The following TDRD9 variants were observed in gnomAD, a reference collection of about 807,000 sequenced individuals.
TDRD9 encodes tudor domain containing 9, also known as ATP-dependent RNA helicase TDRD9.
TDRD9 carries 124 observed loss-of-function variants against 172.6 expected under a neutral mutation model. The ratio of observed to expected loss-of-function variants is 0.72; its 90% CI spans 0.62 to 0.83. The LOEUF (loss-of-function observed/expected upper bound fraction) is 0.83. TDRD9 is among the 40% of genes least tolerant of loss of function. TDRD9 has a pLI of 0.00. For synonymous variants in TDRD9, 619 were observed against 617.1 expected (o/e 1.00, Z -0.05); for missense variants, 1,479 against 1,714.1 (o/e 0.86, Z 2.42).
chr14:104,040,733 G>T (rs1384568624), intron 33 of TDRD9, among the ~76,000 whole-genome samples: 1 of 152,192 alleles, frequency 6.6e-6, no homozygotes, highest in African/African-American at 2.4e-5. Flanking sequence ...CCTTCTCCCG[G>T]CCTGGTGACC....
At chr14:103,931,639 A>G (rs1474761070) in intron 1 of TDRD9, among the ~76,000 whole-genome samples, 1 of 152,210 alleles carries the variant, frequency 6.6e-6, no homozygotes, top group Non-Finnish European at 1.5e-5. Context: ...TTCCTGTAGC[A>G]AATGGTGGTG....
chr14:103,972,180 G>C (rs1174368710), intron 6 of TDRD9, among the ~76,000 whole-genome samples: 1 of 151,910 alleles, frequency 6.6e-6, no homozygotes, highest in Non-Finnish European at 1.5e-5. Context: ...GGTGGCGGGC[G>C]CCTGTAATCC....
intron 8 of TDRD9, among the ~76,000 whole-genome samples, chr14:103,990,732 C>T (rs2033834299): frequency 6.6e-6 from 1 of 152,222 alleles, no homozygotes; most frequent in Non-Finnish European, 1.5e-5. Flanking sequence ...TCTAAATTCA[C>T]ACAAAAGTAA....
rs565680398 is a variant in TDRD9 at position 104,036,868 on chromosome 14, C to G, written c.3716+1812C>G. Among the ~76,000 whole-genome samples, 17 of 152,304 alleles carry G rather than the reference C, an allele frequency of 1.1e-4. 2 individuals carry two copies. Among genetic ancestry groups the G allele is most frequent in the African/African-American group, 4.1e-4 (17 of 41,562 alleles). On this transcript the variant is annotated intron_variant, in intron 32 of 35. Transcript: ENST00000409874. ...GTAAGACTAGTTGTCTTTGAATCCACAGGCTTAACTAGGTGATTATCGGAA... is the reference window on the plus strand; with the variant it reads ...GTAAGACTAGTTGTCTTTGAATCCAGAGGCTTAACTAGGTGATTATCGGAA...
chr14:103,933,414 G>A (rs1014866587), intron 1 of TDRD9, among the ~76,000 whole-genome samples: 3 of 151,996 alleles, frequency 2.0e-5, no homozygotes, highest in African/African-American at 7.3e-5. Context: ...CTTAATTCTC[G>A]CTTTTGTGTC....
At chr14:103,996,329 GGTGA>G (rs1394547353) in intron 12 of TDRD9, among the ~76,000 whole-genome samples, 2 of 152,330 alleles carry the variant, frequency 1.3e-5, no homozygotes, top group East Asian at 1.9e-4. Flanking sequence ...GCAGTACAGT[GGTGA>G]GTAAGACAAA....
At position 104,024,749 on chromosome 14, in the gene TDRD9, T is replaced by TACACAC. The variant is rs60394937; in HGVS notation, c.2718+105_2718+110dup. On this transcript the variant is annotated intron_variant, in intron 25 of 35. Transcript: ENST00000409874. ...ATCATCATGTTGTATACAGGAAGTT[T>TACACAC]ACACACACACACACACACACACACA... 298 of 435,084 alleles carry TACACAC rather than the reference T, an allele frequency of 6.8e-4. 1 individual carries two copies. Among genetic ancestry groups the TACACAC allele is most frequent in the African/African-American group, 5.0e-3 (245 of 48,982 alleles). The allele number at this position is 435,084 out of a possible 1,614,324, so 27.0% of individuals were successfully genotyped here.
At chr14:103,982,959 A>T (rs1476326885) in intron 7 of TDRD9, among the ~76,000 whole-genome samples, 1 of 152,100 alleles carries the variant, frequency 6.6e-6, no homozygotes, top group Non-Finnish European at 1.5e-5. Flanking sequence ...GTTACATAAA[A>T]TGTAAATGTG....
chr14:103,983,056 CTTTT>C (rs397853010), intron 7 of TDRD9, among the ~76,000 whole-genome samples: 1 of 87,616 alleles, frequency 1.1e-5, no homozygotes, highest in South Asian at 5.2e-4. Flanking sequence ...CTGTGGGTCA[CTTTT>C]TTTTTTTTTT....
At position 103,951,099 on chromosome 14, in the gene TDRD9, C is replaced by A. The variant is rs116946683; in HGVS notation, c.216-4565C>A. Among the ~76,000 whole-genome samples the A allele has an allele frequency of 8.1e-4, 124 of 152,280 alleles. No homozygotes were observed. In the East Asian group the frequency reaches 0.023, roughly 28 times the overall value. Reference sequence around the variant, plus strand: ...GCTATGTGTAATTCCCATCGCAATGCTTTATTCCCAAATAAAGATCTTTCC... The same window carrying A: ...GCTATGTGTAATTCCCATCGCAATGATTTATTCCCAAATAAAGATCTTTCC... On this transcript the variant is annotated intron_variant, in intron 1 of 35. Coordinates refer to ENST00000409874, the MANE Select transcript of TDRD9 (RefSeq NM_153046.3).
chr14:104,049,233 G>T (rs2035873362), intron 34 of TDRD9, among the ~76,000 whole-genome samples: 1 of 151,794 alleles, frequency 6.6e-6, no homozygotes, highest in Non-Finnish European at 1.5e-5. Flanking sequence ...CTCCCTCATT[G>T]TTCAAATTCC....
At chr14:104,044,596 G>A (rs1200861592) in intron 34 of TDRD9, among the ~76,000 whole-genome samples, 1 of 152,130 alleles carries the variant, frequency 6.6e-6, no homozygotes, top group African/African-American at 2.4e-5. Flanking sequence ...ACTTAGCTTA[G>A]TACTTTTGAG....
chr14:103,956,111 AATATATATATATATATATATATATAT>A (rs1173008862), intron 2 of TDRD9, among the ~76,000 whole-genome samples: 68 of 18,368 alleles, frequency 3.7e-3, no homozygotes, highest in African/African-American at 0.018. Context: ...AAAAAAAAAA[AATATATATATATATATATATATATAT>A]ATATATATAT....
chr14:103,947,652 C>T (rs2031642121), intron 1 of TDRD9, among the ~76,000 whole-genome samples: 1 of 152,104 alleles, frequency 6.6e-6, no homozygotes, highest in Admixed American at 6.6e-5. Context: ...GCAAATGATG[C>T]TGAGAATAGT....
At chr14:104,005,243 T>C in intron 14 of TDRD9, 31 bp from the exon 15 acceptor site, 1 of 1,612,416 alleles carries the variant, frequency 6.2e-7, no homozygotes, top group South Asian at 1.1e-5. Flanking sequence ...GTTATGTTAT[T>C]ATTTCTAATC....
In TDRD9 at chr14:103,980,841, G is replaced by A. The variant is rs1001333795; in HGVS notation, c.1011+5288G>A. ...AAGGAGCCCTCTGGTGGCCCTGTCC[G>A]GGCATAACAGAAGGCTCGCACTCTT... On this transcript the variant is annotated intron_variant, in intron 7 of 35. Transcript: ENST00000409874. This position sits in a 1 kb window ranked among gnomAD's most constrained non-coding sequence, Gnocchi z 4.5. 9.9e-5 allele frequency among the ~76,000 whole-genome samples: 15 copies of A among 152,120 alleles called. No homozygotes were observed. The highest frequency in any genetic ancestry group is 1.9e-4 in the African/African-American group (8 of 41,430).
At position 104,052,052 on chromosome 14, in the gene TDRD9, G is replaced by A; in HGVS notation, c.4119G>A (p.Gln1373=). The change falls in exon 36 of 36, where the codon CAG becomes CAA. Residue 1373 remains glutamine, a synonymous_variant. Transcript: ENST00000409874. ...GAGGGAAGAACACCTTTCTCTACCA[G>A]CTCCACAAACTGGTTGTGCTCGGCA... ...SSRGKNTFLY[Q]LHKLVVLGT 2 of 1,586,644 alleles carry A rather than the reference G, an allele frequency of 1.3e-6. No individual in the cohort carries two copies. Among genetic ancestry groups the A allele is most frequent in the Non-Finnish European group, 1.7e-6 (2 of 1,166,038 alleles).
chr14:103,937,280 A>G (rs1405525652), intron 1 of TDRD9, among the ~76,000 whole-genome samples: 5 of 152,062 alleles, frequency 3.3e-5, no homozygotes, highest in Admixed American at 2.0e-4. Flanking sequence ...CTCTGGTCAC[A>G]TTGGCATTTT....
At chr14:103,953,670 T>A (rs1398881460) in intron 1 of TDRD9, among the ~76,000 whole-genome samples, 2 of 151,992 alleles carry the variant, frequency 1.3e-5, no homozygotes, top group Non-Finnish European at 2.9e-5. Flanking sequence ...TAACTCCCAA[T>A]CCAAGACAAA....
Sources: allele counts gnomAD v4.1 joint callset (sites outside exome capture counted in the v4.1 genomes callset), GRCh38; gene constraint gnomAD v4.1.1; non-coding constraint Gnocchi (gnomAD v3.1); transcripts MANE v1.5; gene names NCBI Gene and HGNC (gene_info 2026-07-23, HGNC 2026-07-21).